The following EBF1 variants were observed in gnomAD, a reference collection of about 807,000 sequenced individuals.
The protein encoded by EBF1 is transcription factor COE1.
In EBF1, 10 loss-of-function variants were observed where a neutral mutation model predicts 68.4. The ratio of observed to expected loss-of-function variants is 0.15; its 90% CI spans 0.09 to 0.25. The LOEUF is 0.25. Ranked by LOEUF, EBF1 falls within the 10% of genes least tolerant of loss-of-function variation. The pLI is 1.00. For missense variants in EBF1, 509 were observed against 794.4 expected (o/e 0.64, Z 4.32); for synonymous variants, 298 against 299.8 (o/e 0.99, Z 0.06).
At chr5:159,057,215 T>A (rs796508810) in intron 6 of EBF1, among the ~76,000 whole-genome samples, 55 of 150,608 alleles carry the variant, frequency 3.7e-4, no homozygotes, top group African/African-American at 1.3e-3. Context: ...CAAGTGATTC[T>A]CCTGCCTCAG....
chr5:158,769,842 T>C (rs900297998), intron 10 of EBF1, among the ~76,000 whole-genome samples: 3 of 152,122 alleles, frequency 2.0e-5, no homozygotes, highest in African/African-American at 7.2e-5. Context: ...TTTGGAGTAA[T>C]ATTTAAGACA....
intron 6 of EBF1, among the ~76,000 whole-genome samples, chr5:158,956,331 C>G (rs1056969979): frequency 6.6e-6 from 1 of 152,084 alleles, no homozygotes; most frequent in Non-Finnish European, 1.5e-5. Context: ...CTGAGAGTAA[C>G]TTTCCCTGAA....
At chr5:158,773,822 A>C (rs1000423886) in intron 10 of EBF1, among the ~76,000 whole-genome samples, 3 of 152,126 alleles carry the variant, frequency 2.0e-5, no homozygotes, top group African/African-American at 7.2e-5. Flanking sequence ...AAGCCACTTA[A>C]AGATGTAACA....
intron 8 of EBF1, among the ~76,000 whole-genome samples, chr5:158,822,843 T>G (rs1414745276): frequency 6.6e-6 from 1 of 152,194 alleles, no homozygotes; most frequent in Non-Finnish European, 1.5e-5. Flanking sequence ...ATTTTTCCCT[T>G]GGATTGGCCT....
chr5:158,795,598 C>T (rs1174218167), intron 9 of EBF1, among the ~76,000 whole-genome samples: 1 of 152,158 alleles, frequency 6.6e-6, no homozygotes, highest in Non-Finnish European at 1.5e-5. Context: ...GGCTAAGAAA[C>T]TGGGGCTCAG....
intron 6 of EBF1, among the ~76,000 whole-genome samples, chr5:159,019,825 T>C (rs1341623608): frequency 1.3e-5 from 2 of 152,216 alleles, no homozygotes; most frequent in African/African-American, 4.8e-5. Context: ...ACTGCTCCGA[T>C]TGTTCTCGGT....
chr5:158,902,932 G>C (rs1054060936), intron 6 of EBF1, among the ~76,000 whole-genome samples: 1 of 152,198 alleles, frequency 6.6e-6, no homozygotes, highest in Non-Finnish European at 1.5e-5. Flanking sequence ...CCAAAGGACG[G>C]CTCTGGGGAA....
intron 6 of EBF1, among the ~76,000 whole-genome samples, chr5:158,868,235 CAG>C (rs1012519375): frequency 1.3e-5 from 2 of 151,742 alleles, no homozygotes; most frequent in Admixed American, 6.6e-5. Context: ...TTTATAAACC[CAG>C]AGTTTATAGA....
intron 6 of EBF1, among the ~76,000 whole-genome samples, chr5:158,864,684 G>A (rs1040096811): frequency 2.6e-5 from 4 of 152,200 alleles, no homozygotes; most frequent in South Asian, 4.1e-4. Context: ...GATGGCAGAT[G>A]GAAAGTGATG....
intron 14 of EBF1, among the ~76,000 whole-genome samples, chr5:158,710,680 G>A (rs1217719158): frequency 2.0e-5 from 3 of 152,166 alleles, no homozygotes; most frequent in Admixed American, 6.5e-5. Flanking sequence ...GTAAAAGTCT[G>A]TAAGTACATT....
chr5:159,071,094 G>A (rs1011256216), intron 6 of EBF1, among the ~76,000 whole-genome samples: 4 of 152,154 alleles, frequency 2.6e-5, no homozygotes, highest in African/African-American at 9.7e-5. Context: ...AGCACAGACA[G>A]GACTGGAGCT....
At chr5:158,905,911 G>C (rs1459603260) in intron 6 of EBF1, among the ~76,000 whole-genome samples, 1 of 152,116 alleles carries the variant, frequency 6.6e-6, no homozygotes, top group African/African-American at 2.4e-5. Flanking sequence ...ATGGAGGAGG[G>C]AGCAAAATAA....
intron 6 of EBF1, among the ~76,000 whole-genome samples, chr5:158,897,423 G>C (rs948875706): frequency 2.6e-5 from 4 of 152,140 alleles, no homozygotes; most frequent in African/African-American, 9.7e-5. Flanking sequence ...AGAGGGTGGA[G>C]GGTTGGAGGA....
At chr5:158,951,800 G>C (rs1281228742) in intron 6 of EBF1, among the ~76,000 whole-genome samples, 1 of 152,164 alleles carries the variant, frequency 6.6e-6, no homozygotes, top group African/African-American at 2.4e-5. Context: ...CTGACTTACA[G>C]GTCAGAGACA....
chr5:159,040,695 G>A (rs1248182054), intron 6 of EBF1, among the ~76,000 whole-genome samples: 2 of 152,192 alleles, frequency 1.3e-5, no homozygotes, highest in African/African-American at 4.8e-5. Flanking sequence ...TAACTAACAA[G>A]CAGGCAATAT....
At chr5:158,759,509 G>A (rs574373722) in intron 10 of EBF1, among the ~76,000 whole-genome samples, 1 of 152,272 alleles carries the variant, frequency 6.6e-6, no homozygotes, top group East Asian at 1.9e-4. Flanking sequence ...GATGGGATAG[G>A]GAGAGTGAAT....
At chr5:158,939,589 T>G (rs559899100) in intron 6 of EBF1, among the ~76,000 whole-genome samples, 1 of 152,326 alleles carries the variant, frequency 6.6e-6, no homozygotes, top group South Asian at 2.1e-4. Context: ...GGGTTTATTA[T>G]GCACACAGGG....
At chr5:158,826,918 A>T (rs1273006123) in intron 7 of EBF1, among the ~76,000 whole-genome samples, 1 of 152,126 alleles carries the variant, frequency 6.6e-6, no homozygotes, top group Non-Finnish European at 1.5e-5. Flanking sequence ...TCTATTTAGA[A>T]TTTGAAAGAA....
intron 6 of EBF1, among the ~76,000 whole-genome samples, chr5:158,879,014 T>G (rs1798330482): frequency 6.6e-6 from 1 of 152,184 alleles, no homozygotes; most frequent in Non-Finnish European, 1.5e-5. Flanking sequence ...TAGATTCTCT[T>G]CATTCCAAAT....
Sources: allele counts gnomAD v4.1 joint callset (sites outside exome capture counted in the v4.1 genomes callset), GRCh38; gene constraint gnomAD v4.1.1; transcripts MANE v1.5; gene names NCBI Gene and HGNC (gene_info 2026-07-23, HGNC 2026-07-21).